PCDHGC3: variants seen among roughly 807,000 people sequenced by gnomAD.
PCDHGC3 encodes protocadherin gamma-C3.
PCDHGC3 carries 26 observed loss-of-function variants against 59.2 expected under a neutral mutation model. The ratio of observed to expected loss-of-function variants is 0.44; its 90% CI spans 0.32 to 0.61. The LOEUF (loss-of-function observed/expected upper bound fraction) is 0.61. Ranked by LOEUF, PCDHGC3 falls within the 20% of genes least tolerant of loss-of-function variation. PCDHGC3 has a pLI of 0.05. For missense variants in PCDHGC3, 1,080 were observed against 1,221.8 expected, an observed-to-expected ratio of 0.88 and a Z score of 1.73; for synonymous variants, 487 against 519.7, an observed-to-expected ratio of 0.94 and a Z score of 0.86.
chr5:141,499,138 G>A (rs765607930), intron 2 of PCDHGC3, among the ~76,000 whole-genome samples: 12 of 152,144 alleles, frequency 7.9e-5, no homozygotes, highest in Non-Finnish European at 1.5e-4. Flanking sequence ...TCCTTTGGGT[G>A]TCTGATCCCA....
chr5:141,489,290 G>A lies in PCDHGC3; in HGVS notation c.2431-5517G>A. 6.3e-7 allele frequency: 1 copy of A among 1,577,514 alleles called. No individual in the cohort carries two copies. The highest frequency in any genetic ancestry group is 8.6e-7 in the Non-Finnish European group (1 of 1,162,002). ...CTCGCTGGGAAATGGCAAGTGCTGT[G>A]CATGTTGTCCTTGTGCTGCTGGGGC... On this transcript the variant is annotated intron_variant, in intron 1 of 3. Transcript: ENST00000308177. This position sits in a 1 kb window ranked among gnomAD's most constrained non-coding sequence, Gnocchi z 4.5.
At position 141,493,774 on chromosome 5, in the gene PCDHGC3, C is replaced by T. The variant is rs2099749996; in HGVS notation, c.2431-1033C>T. On this transcript the variant is annotated intron_variant, in intron 1 of 3. Coordinates refer to ENST00000308177, the MANE Select transcript of PCDHGC3 (RefSeq NM_002588.4). The surrounding 1 kb of genome is among the most constrained non-coding windows in gnomAD (Gnocchi z 4.3). ...GCCTTGAGTGAGCCACTGGCAGTTC[C>T]GGAGCTTCCTTCTCCCTGGAGTAAT... Among the ~76,000 whole-genome samples, 1 of 152,258 alleles carries T rather than the reference C, an allele frequency of 6.6e-6. No homozygotes were observed. The highest frequency in any genetic ancestry group is 1.9e-4 in the East Asian group (1 of 5,176).
Position 141,490,413 on chromosome 5 carries a change from G to A in PCDHGC3, c.2431-4394G>A, listed in dbSNP as rs2233606. On this transcript the variant is annotated intron_variant, in intron 1 of 3. Transcript: ENST00000308177. The surrounding 1 kb of genome is among the most constrained non-coding windows in gnomAD (Gnocchi z 5.4). ...GTGAAGTGAGCCTTGATATCTCTCC[G>A]GACCTGCCATTTCAGATTAAGCCTT... 2.3e-3 allele frequency: 3,787 copies of A among 1,614,128 alleles called. 38 individuals are homozygous for A. In the African/African-American group the frequency reaches 0.027, roughly 12 times the overall value.
chr5:141,511,237 T>C lies in PCDHGC3; in HGVS notation c.*64T>C, dbSNP rs886816274. 1.9e-6 allele frequency: 3 copies of C among 1,590,378 alleles called. No homozygotes were observed. The South Asian group carries it at 3.4e-5, about 18-fold the overall frequency. ...CCAACCAGCCCAGCTTCTCCTTACC[T>C]GCACCCAGGCCTCAGAGTTTCAGGG... On this transcript the variant is annotated 3_prime_UTR_variant, in exon 4 of 4. Coordinates refer to ENST00000308177, the MANE Select transcript of PCDHGC3 (RefSeq NM_002588.4).
At chr5:141,507,429 G>C (rs1191174823) in intron 3 of PCDHGC3, 3 of 152,238 alleles carry the variant, frequency 2.0e-5, no homozygotes, top group African/African-American at 7.2e-5. Flanking sequence ...AGTGGGGCCA[G>C]GCCTACAGCT....
At chr5:141,481,465 T>C (rs561789315) in intron 1 of PCDHGC3, among the ~76,000 whole-genome samples, 2 of 152,334 alleles carry the variant, frequency 1.3e-5, no homozygotes, top group South Asian at 2.1e-4. Context: ...CTGAAAACCA[T>C]TGGATTATAC....
In PCDHGC3 at chr5:141,489,993, C is replaced by A; in HGVS notation, c.2431-4814C>A. 6.2e-7 allele frequency: 1 copy of A among 1,614,186 alleles called. No individual in the cohort carries two copies. The highest frequency in any genetic ancestry group is 1.1e-5 in the South Asian group (1 of 91,088). On this transcript the variant is annotated intron_variant, in intron 1 of 3. Transcript: ENST00000308177. The surrounding 1 kb of genome is among the most constrained non-coding windows in gnomAD (Gnocchi z 4.5). ...AATCCTCAGTTCTACGTGTGGGAATCCCAGAGAATGCACCCATTGGTACTC... is the reference window on the plus strand; with the variant it reads ...AATCCTCAGTTCTACGTGTGGGAATACCAGAGAATGCACCCATTGGTACTC...
At chr5:141,480,198 G>A (rs1280951298) in intron 1 of PCDHGC3, among the ~76,000 whole-genome samples, 2 of 150,780 alleles carry the variant, frequency 1.3e-5, no homozygotes, top group African/African-American at 4.9e-5. Flanking sequence ...GAGGCCAGCA[G>A]TTCAAGACCA....
Position 141,491,094 on chromosome 5 carries a change from G to T in PCDHGC3, c.2431-3713G>T. ...TGCCACAGTCCACAGCCCCAGGACT[G>T]TTCCTCGTGTCTACACACACTGGTG... On this transcript the variant is annotated intron_variant, in intron 1 of 3. Transcript: ENST00000308177. This position sits in a 1 kb window ranked among gnomAD's most constrained non-coding sequence, Gnocchi z 6.9. The T allele has an allele frequency of 6.2e-7, 1 of 1,614,202 alleles. No homozygotes were observed. The highest frequency in any genetic ancestry group is 1.1e-5 in the South Asian group (1 of 91,086).
At chr5:141,492,423 G>C (rs1164828445) in intron 1 of PCDHGC3, among the ~76,000 whole-genome samples, 1 of 152,222 alleles carries the variant, frequency 6.6e-6, no homozygotes, top group African/African-American at 2.4e-5. Context: ...CCCTCCGCCG[G>C]GCTCAGGAGT....
At chr5:141,496,734 G>A (rs527288196) in intron 2 of PCDHGC3, among the ~76,000 whole-genome samples, 4 of 152,066 alleles carry the variant, frequency 2.6e-5, no homozygotes, top group Non-Finnish European at 4.4e-5. Flanking sequence ...GTATTCATTC[G>A]TTCATTTATT....
chr5:141,490,910 A>G lies in PCDHGC3; in HGVS notation c.2431-3897A>G. The G allele has an allele frequency of 1.2e-6, 2 of 1,613,652 alleles. No individual in the cohort carries two copies. Among genetic ancestry groups the G allele is most frequent in the African/African-American group, 1.3e-5 (1 of 75,048 alleles). ...TCTCTGCATGTGTTTGTCCTAGACG[A>G]GAATGATAATGCCCCAGCTGTGCTG... On this transcript the variant is annotated intron_variant, in intron 1 of 3. Transcript: ENST00000308177. This position sits in a 1 kb window ranked among gnomAD's most constrained non-coding sequence, Gnocchi z 5.4.
intron 2 of PCDHGC3, among the ~76,000 whole-genome samples, chr5:141,500,112 C>G (rs2099796438): frequency 6.8e-6 from 1 of 147,138 alleles, no homozygotes; most frequent in Non-Finnish European, 1.5e-5. Context: ...TGTTGAATCC[C>G]TGCCTTTTCA....
rs746642302 is a variant in PCDHGC3, at chr5:141,491,107, A to G, written c.2431-3700A>G. The stretch of plus-strand genomic sequence containing the variant: ...AGCCCCAGGACTGTTCCTCGTGTCT[A>G]CACACACTGGTGAGGTGCGCACAGC... On this transcript the variant is annotated intron_variant, in intron 1 of 3. Coordinates refer to ENST00000308177, the MANE Select transcript of PCDHGC3 (RefSeq NM_002588.4). The surrounding 1 kb of genome is among the most constrained non-coding windows in gnomAD (Gnocchi z 6.9). 2.5e-6 allele frequency: 4 copies of G among 1,614,148 alleles called. No homozygotes were observed. Among genetic ancestry groups the G allele is most frequent in the Non-Finnish European group, 2.5e-6 (3 of 1,180,014 alleles).
Position 141,478,323 on chromosome 5 carries a change from G to C in PCDHGC3, c.2207G>C (p.Arg736Pro). ...CGAGCCCCGGTGAGCTCACTGTACC[G>C]AACACCAGGGCCCTCCTTGCACGCG... is the stretch of plus-strand genomic sequence containing the variant. Reference protein sequence around the residue: ...LYRAPVSSLYRTPGPSLHADA... With the variant: ...LYRAPVSSLYPTPGPSLHADA... The change falls in exon 1 of 4, where the codon CGA (arginine) becomes CCA (proline). Residue 736 changes from arginine to proline, a missense_variant. By Grantham distance (103) the Arg-to-Pro change is moderately radical. Coordinates refer to ENST00000308177, the MANE Select transcript of PCDHGC3 (RefSeq NM_002588.4). 1 of 1,613,958 alleles carries C rather than the reference G, an allele frequency of 6.2e-7. No homozygotes were observed. Among genetic ancestry groups the C allele is most frequent in the Non-Finnish European group, 8.5e-7 (1 of 1,180,008 alleles).
At chr5:141,483,753 G>A (rs1316976446) in intron 1 of PCDHGC3, among the ~76,000 whole-genome samples, 1 of 152,082 alleles carries the variant, frequency 6.6e-6, no homozygotes, top group Non-Finnish European at 1.5e-5. Flanking sequence ...CCTGAGGATC[G>A]AGGCTTGGAA....
chr5:141,500,188 A>T (rs182086759), intron 2 of PCDHGC3, among the ~76,000 whole-genome samples: 173 of 98,190 alleles, frequency 1.8e-3, no homozygotes, highest in African/African-American at 4.0e-3. Flanking sequence ...TTTTATTTTT[A>T]TTTATTTATT....
chr5:141,482,917 C>CA (rs761402624), intron 1 of PCDHGC3, among the ~76,000 whole-genome samples: 5 of 152,042 alleles, frequency 3.3e-5, no homozygotes, highest in Non-Finnish European at 7.4e-5. Context: ...ATTAAAAATA[C>CA]AAAAAATTAG....
chr5:141,479,845 A>T (rs895639749), intron 1 of PCDHGC3, among the ~76,000 whole-genome samples: 4 of 152,210 alleles, frequency 2.6e-5, no homozygotes, highest in Admixed American at 1.3e-4. Flanking sequence ...ATGCAAGGTG[A>T]CTGCAAGGCC....
Sources: allele counts gnomAD v4.1 joint callset (sites outside exome capture counted in the v4.1 genomes callset), GRCh38; gene constraint gnomAD v4.1.1; non-coding constraint Gnocchi (gnomAD v3.1); transcripts MANE v1.5; gene names NCBI Gene and HGNC (gene_info 2026-07-23, HGNC 2026-07-21).